The following PLEKHA3 variants were observed in gnomAD, a reference collection of about 807,000 sequenced individuals.
PLEKHA3 encodes pleckstrin homology domain containing A3.
Under a neutral mutation model 39.2 loss-of-function variants are expected in PLEKHA3, and 19 were observed. The observed-to-expected ratio is 0.48, with a 90% CI of 0.34 to 0.71. The LOEUF is 0.71. Ranked by LOEUF, PLEKHA3 falls within the 30% of genes least tolerant of loss-of-function variation. The pLI, the probability that PLEKHA3 is intolerant of heterozygous loss-of-function variation, is 0.01. For missense variants in PLEKHA3, 253 were observed against 359.5 expected, an observed-to-expected ratio of 0.70 and a Z score of 2.40; for synonymous variants, 97 against 118.6, an observed-to-expected ratio of 0.82 and a Z score of 1.18.
At chr2:178,503,037 T>G (rs1197677563) in intron 7 of PLEKHA3, among the ~76,000 whole-genome samples, 1 of 152,042 alleles carries the variant, frequency 6.6e-6, no homozygotes, top group Non-Finnish European at 1.5e-5. Context: ...AATATTCTTC[T>G]TGTGAGATGC....
intron 5 of PLEKHA3, among the ~76,000 whole-genome samples, chr2:178,496,859 G>A (rs1174421063): frequency 2.0e-5 from 3 of 151,988 alleles, no homozygotes; most frequent in South Asian, 2.1e-4. Context: ...CACGGTGCCT[G>A]GCTATGTTTT....
rs189049925 is a variant in PLEKHA3, at chr2:178,509,432, T to C, written c.*5545T>C. 2.0e-5 allele frequency: 3 copies of C among 152,186 alleles called. No individual in the cohort carries two copies. Among genetic ancestry groups the C allele is most frequent in the Admixed American group, 2.0e-4 (3 of 15,288 alleles). The allele number at this position is 152,186 out of a possible 1,614,324, so 9.4% of individuals were successfully genotyped here. The stretch of plus-strand genomic sequence containing the variant: ...GGCACGTAGTGTGTTGAATAAGTGT[T>C]AGTTATTAATATTGTTTACTATCAT... On this transcript the variant is annotated 3_prime_UTR_variant, in exon 8 of 8. Coordinates refer to ENST00000234453, the MANE Select transcript of PLEKHA3 (RefSeq NM_019091.4).
Position 178,515,029 on chromosome 2 carries a change from T to C in PLEKHA3, c.*11142T>C, listed in dbSNP as rs1254643856. 1 of 149,986 alleles carries C rather than the reference T, an allele frequency of 6.7e-6. No individual in the cohort carries two copies. Among genetic ancestry groups the C allele is most frequent in the Non-Finnish European group, 1.5e-5 (1 of 67,744 alleles). 9.3% of individuals were successfully genotyped at this position (149,986 alleles called of 1,614,324 possible). A position where few individuals can be genotyped will look rare whatever the true frequency, so the allele number is the denominator to read the frequency against. ...GATGACTTACCAATTTTTGGTCTTATAACATTCTCTCTCTTTTTTTTTTTT... is the reference window on the plus strand; with the variant it reads ...GATGACTTACCAATTTTTGGTCTTACAACATTCTCTCTCTTTTTTTTTTTT... On this transcript the variant is annotated 3_prime_UTR_variant, in exon 8 of 8. Transcript: ENST00000234453.
chr2:178,497,937 C>G (rs777574212), intron 5 of PLEKHA3, among the ~76,000 whole-genome samples: 1 of 150,336 alleles, frequency 6.7e-6, no homozygotes, highest in Non-Finnish European at 1.5e-5. Flanking sequence ...AGACAATCTT[C>G]ATGTTTTTTT....
Position 178,515,325 on chromosome 2 carries a change from T to C in PLEKHA3, c.*11438T>C, listed in dbSNP as rs549501547. 1 of 152,124 alleles carries C rather than the reference T, an allele frequency of 6.6e-6. No individual in the cohort carries two copies. The highest frequency in any genetic ancestry group is 2.1e-4 in the South Asian group (1 of 4,828). 9.4% of individuals were successfully genotyped at this position (152,124 alleles called of 1,614,324 possible). ...TTCTACCTGTCCTGAAGAGCTCTTA[T>C]GGAAATCATGGTTGAATGTTAGTAA... On this transcript the variant is annotated 3_prime_UTR_variant, in exon 8 of 8. Transcript: ENST00000234453.
Position 178,495,567 on chromosome 2 carries a change from G to A in PLEKHA3, c.522G>A (p.Val174=), listed in dbSNP as rs753574808. ...NTFITTLEEC[V]KIANAKFKPE... Reference sequence around the variant, plus strand: ...TCATCACAACGCTTGAGGAATGTGTGAAGATAGCCAATGCCAAGTTTAAAC... The same window carrying A: ...TCATCACAACGCTTGAGGAATGTGTAAAGATAGCCAATGCCAAGTTTAAAC... Residue 174 remains valine, a synonymous_variant, in exon 5 of 8, where the codon GTG becomes GTA. Transcript: ENST00000234453. The A allele has an allele frequency of 1.9e-6, 3 of 1,614,052 alleles. No homozygotes were observed. Among genetic ancestry groups the A allele is most frequent in the African/African-American group, 1.3e-5 (1 of 74,926 alleles).
rs777588777 is a variant in PLEKHA3 at position 178,494,028 on chromosome 2, T to C, written c.450+39T>C. 26 of 1,600,662 alleles carry C rather than the reference T, an allele frequency of 1.6e-5. No homozygotes were observed. The Middle Eastern group carries it at 5.0e-4, about 31-fold the overall frequency. ...GATCTCTTCACGTGTGGTTATGCTT[T>C]GGAGTACTCTGGGGGGATCCTCAGT... On this transcript the variant is annotated intron_variant, in intron 4 of 7. Transcript: ENST00000234453.
intron 2 of PLEKHA3, among the ~76,000 whole-genome samples, chr2:178,490,114 A>T (rs1364341232): frequency 6.6e-6 from 1 of 152,172 alleles, no homozygotes; most frequent in Non-Finnish European, 1.5e-5. Flanking sequence ...TGTGTGCAGG[A>T]GAAGAGGTAG....
intron 2 of PLEKHA3, among the ~76,000 whole-genome samples, chr2:178,486,557 C>T (rs1191204433): frequency 5.9e-5 from 9 of 152,018 alleles, no homozygotes. Flanking sequence ...TGAAAGGTAG[C>T]GATTAATCTG....
intron 5 of PLEKHA3, among the ~76,000 whole-genome samples, chr2:178,496,795 G>A (rs900942361): frequency 3.3e-5 from 5 of 151,620 alleles, no homozygotes; most frequent in African/African-American, 1.2e-4. Flanking sequence ...ACTCACTGCA[G>A]CCTCAAACTC....
chr2:178,483,824 A>C (rs1218935055), intron 1 of PLEKHA3, among the ~76,000 whole-genome samples: 1 of 152,218 alleles, frequency 6.6e-6, no homozygotes, highest in Non-Finnish European at 1.5e-5. Context: ...CACATCTGTA[A>C]TCCTAGCACT....
chr2:178,481,405 G>A (rs537242235), intron 1 of PLEKHA3, among the ~76,000 whole-genome samples: 4 of 152,328 alleles, frequency 2.6e-5, no homozygotes, highest in African/African-American at 9.6e-5. Context: ...TAGCGAGCAT[G>A]ATTTTGGAAG....
In PLEKHA3 at chr2:178,492,165, A is replaced by G. The variant is rs1427503134; in HGVS notation, c.313+1351A>G. 2.0e-5 allele frequency among the ~76,000 whole-genome samples: 3 copies of G among 152,226 alleles called. No individual in the cohort carries two copies. The East Asian group carries it at 5.8e-4, about 29-fold the overall frequency. ...AAGTATGTATTACTTATATAATTAA[A>G]TGCAAATTAATTACATTAGTGAAAG... is the stretch of plus-strand genomic sequence containing the variant. On this transcript the variant is annotated intron_variant, in intron 3 of 7. Transcript: ENST00000234453.
intron 5 of PLEKHA3, among the ~76,000 whole-genome samples, chr2:178,496,698 C>T (rs1212395946): frequency 6.6e-6 from 1 of 151,892 alleles, no homozygotes; most frequent in East Asian, 1.9e-4. Flanking sequence ...GGACTTGTCA[C>T]AGCCTTTTTA....
At chr2:178,496,082 T>C (rs1473279788) in intron 5 of PLEKHA3, among the ~76,000 whole-genome samples, 1 of 152,218 alleles carries the variant, frequency 6.6e-6, no homozygotes, top group Non-Finnish European at 1.5e-5. Context: ...CATATTCCGG[T>C]GGGAACGGTA....
At chr2:178,499,288 C>G (rs1685494262) in intron 6 of PLEKHA3, 34 bp downstream of exon 6, 2 of 1,600,750 alleles carry the variant, frequency 1.2e-6, no homozygotes, top group Non-Finnish European at 1.7e-6. Flanking sequence ...TAAGTTCTCT[C>G]AAATTATATC....
chr2:178,483,770 A>G lies in PLEKHA3; in HGVS notation c.41-1871A>G, dbSNP rs188053040. The stretch of plus-strand genomic sequence containing the variant: ...ACTCTCAAAGATATATTGTATGTCT[A>G]TACTCTCATGGTTAATAGGAAATAT... On this transcript the variant is annotated intron_variant, in intron 1 of 7. Coordinates refer to ENST00000234453, the MANE Select transcript of PLEKHA3 (RefSeq NM_019091.4). 2.7e-3 allele frequency among the ~76,000 whole-genome samples: 418 copies of G among 152,310 alleles called. 5 individuals carry two copies. The highest frequency in any genetic ancestry group is 1.1e-3 in the Non-Finnish European group (72 of 68,034).
intron 1 of PLEKHA3, among the ~76,000 whole-genome samples, chr2:178,483,452 T>C (rs1415633459): frequency 6.6e-6 from 1 of 152,228 alleles, no homozygotes; most frequent in Non-Finnish European, 1.5e-5. Context: ...TAAATATTTC[T>C]TCAAAAAGTG....
At chr2:178,481,184 C>G (rs1181294410) in intron 1 of PLEKHA3, among the ~76,000 whole-genome samples, 1 of 152,162 alleles carries the variant, frequency 6.6e-6, no homozygotes, top group African/African-American at 2.4e-5. Context: ...CTCAGTCACC[C>G]TACATGTGTT....
Sources: gnomAD v4.1 joint callset for allele counts (sites outside exome capture counted in the v4.1 genomes callset) on GRCh38, gnomAD v4.1.1 for gene constraint, MANE v1.5 for transcripts, NCBI Gene and HGNC (gene_info 2026-07-23, HGNC 2026-07-21) for gene names.